LIG3: variants seen among roughly 807,000 people sequenced by gnomAD.
LIG3 encodes the protein DNA ligase 3, also known as ligase II, DNA, ATP-dependent.
A neutral mutation model predicts 110.9 loss-of-function variants in LIG3; 58 were observed. The observed-to-expected ratio is 0.52, with a 90% CI of 0.42 to 0.65. The LOEUF (loss-of-function observed/expected upper bound fraction) is 0.65. LIG3 is among the 30% of genes least tolerant of loss of function. The pLI is 0.00. For missense variants in LIG3, 1,094 were observed against 1,273.8 expected (o/e 0.86, Z 2.15); for synonymous variants, 422 against 472.8 (o/e 0.89, Z 1.39).
Position 34,984,400 on chromosome 17 carries a change from C to T in LIG3, c.547+848C>T, listed in dbSNP as rs530521981. Reference sequence around the variant, plus strand: ...TTAACTAATTTGATACTTAATTGTCCCATATTTGGCCAATTAGGAACCCCT... The same window carrying T: ...TTAACTAATTTGATACTTAATTGTCTCATATTTGGCCAATTAGGAACCCCT... On this transcript the variant is annotated intron_variant, in intron 2 of 19. Transcript: ENST00000378526. 1.1e-3 allele frequency among the ~76,000 whole-genome samples: 169 copies of T among 152,018 alleles called. 1 individual carries two copies. Among genetic ancestry groups the T allele is most frequent in the Non-Finnish European group, 2.1e-3 (142 of 68,000 alleles).
Position 35,002,697 on chromosome 17 carries a change from A to G in LIG3, c.2704A>G (p.Met902Val), listed in dbSNP as rs777951893. Residue 902 changes from methionine (M) to valine (V), a missense_variant, in exon 19 of 20, where the codon ATG (methionine) becomes GTG (valine). Transcript: ENST00000378526. The part of the protein sequence containing the change: ...GNMQTAKPSA[M>V]KVGEKLATKS... The stretch of plus-strand genomic sequence containing the variant: ...CATGCAGACTGCAAAGCCTTCCGCT[A>G]TGAAGGTGGGGGAGAAGCTGGCCAC... The G allele has an allele frequency of 3.7e-6, 6 of 1,613,630 alleles. No individual in the cohort carries two copies. The highest frequency in any genetic ancestry group is 5.1e-6 in the Non-Finnish European group (6 of 1,179,894).
rs1567692722 is a variant in LIG3, at chr17:34,998,616, C to G, written c.2002C>G (p.Pro668Ala). Residue 668 changes from proline to alanine, a missense_variant, in exon 14 of 20, where the codon CCT becomes GCT. Pro to Ala is a conservative substitution (Grantham distance 27). Transcript: ENST00000378526. Reference protein sequence around the residue: ...VLKDVKGTYEPGKRHWLKVKK... With the variant: ...VLKDVKGTYEAGKRHWLKVKK... ...TGCTTCCCTTCAGGGTACATATGAG[C>G]CTGGGAAGCGGCACTGGCTGAAAGT... 1 of 1,614,084 alleles carries G rather than the reference C, an allele frequency of 6.2e-7. No individual in the cohort carries two copies. The highest frequency in any genetic ancestry group is 8.5e-7 in the Non-Finnish European group (1 of 1,179,972).
Position 34,990,946 on chromosome 17 carries a change from G to A in LIG3, c.890-17G>A. 6.2e-7 allele frequency: 1 copy of A among 1,612,048 alleles called. No homozygotes were observed. Among genetic ancestry groups the A allele is most frequent in the Non-Finnish European group, 8.5e-7 (1 of 1,178,658 alleles). On this transcript the variant is annotated splice_polypyrimidine_tract_variant and intron_variant, in intron 4 of 19. Transcript: ENST00000378526. ...GTTTAAGCTCTATTTCTCAAGAAGG[G>A]TTCCTTCTGTCTCCAGATGGTTTCC... is the stretch of plus-strand genomic sequence containing the variant.
rs1480089002 is a variant in LIG3, at chr17:35,008,363, A to T, written c.*3857A>T. 1.3e-5 allele frequency: 2 copies of T among 152,188 alleles called. No individual in the cohort carries two copies. Among genetic ancestry groups the T allele is most frequent in the Non-Finnish European group, 2.9e-5 (2 of 68,040 alleles). The allele number at this position is 152,188 out of a possible 1,614,324, so 9.4% of individuals were successfully genotyped here. A position where few individuals can be genotyped will look rare whatever the true frequency, so the allele number is the denominator to read the frequency against. On this transcript the variant is annotated 3_prime_UTR_variant, in exon 20 of 20. Coordinates refer to ENST00000378526, the MANE Select transcript of LIG3 (RefSeq NM_013975.4). ...AACACTGAGCATCTTGACCAAGGTC[A>T]CTTGGCCCAACCACAGGCTAATCCC...
In LIG3 at chr17:35,007,695, GC is replaced by G. The variant is rs1404000812; in HGVS notation, c.*3191del. The G allele has an allele frequency of 1.3e-5, 2 of 151,916 alleles. No homozygotes were observed. Among genetic ancestry groups the G allele is most frequent in the Non-Finnish European group, 2.9e-5 (2 of 68,026 alleles). 9.4% of individuals were successfully genotyped at this position (151,916 alleles called of 1,614,324 possible). A position where few individuals can be genotyped will look rare whatever the true frequency, so the allele number is the denominator to read the frequency against. On this transcript the variant is annotated 3_prime_UTR_variant, in exon 20 of 20. Coordinates refer to ENST00000378526, the MANE Select transcript of LIG3 (RefSeq NM_013975.4). ...CGCCTGGTCAGGGAGGTTTGTACAAGCCTGCGCACACACAGCAGTCTGTCAC... is the reference window on the plus strand; with the variant it reads ...CGCCTGGTCAGGGAGGTTTGTACAAGCTGCGCACACACAGCAGTCTGTCAC...
In LIG3 at chr17:35,006,317, A is replaced by G. The variant is rs139711760; in HGVS notation, c.*1811A>G. The stretch of plus-strand genomic sequence containing the variant: ...GAAGTTCTTATTTTAATTCAACTTC[A>G]AATGGTCACATGTCACTAGTGACTA... On this transcript the variant is annotated 3_prime_UTR_variant, in exon 20 of 20. Coordinates refer to ENST00000378526, the MANE Select transcript of LIG3 (RefSeq NM_013975.4). 6.4e-6 allele frequency: 1 copy of G among 155,470 alleles called. No individual in the cohort carries two copies. Among genetic ancestry groups the G allele is most frequent in the East Asian group, 1.9e-4 (1 of 5,276 alleles). 9.6% of individuals were successfully genotyped at this position (155,470 alleles called of 1,614,324 possible).
rs759850085 is a variant in LIG3 at position 34,996,670 on chromosome 17, C to T, written c.1823+17C>T. 24 of 1,600,478 alleles carry T rather than the reference C, an allele frequency of 1.5e-5. 1 individual carries two copies. Among genetic ancestry groups the T allele is most frequent in the Non-Finnish European group, 2.1e-5 (24 of 1,168,000 alleles). On this transcript the variant is annotated intron_variant, in intron 11 of 19. Transcript: ENST00000378526. Reference sequence around the variant, plus strand: ...GATGGACAGGTGAGTTGGCTAGCATCTTTAAACCCAGAAACTGCCAGGAAT... The same window carrying T: ...GATGGACAGGTGAGTTGGCTAGCATTTTTAAACCCAGAAACTGCCAGGAAT...
chr17:35,002,403 C>A (rs539472224), intron 18 of LIG3, among the ~76,000 whole-genome samples: 4 of 152,352 alleles, frequency 2.6e-5, no homozygotes, highest in Admixed American at 2.6e-4. Context: ...ACTCCCCTCT[C>A]ACCTATGCTC....
At chr17:34,995,670 G>C (rs944846900) in intron 9 of LIG3, among the ~76,000 whole-genome samples, 3 of 152,162 alleles carry the variant, frequency 2.0e-5, no homozygotes, top group Admixed American at 6.5e-5. Flanking sequence ...CTGGTTTCAA[G>C]TAGTCTGTTC....
chr17:35,001,215 ATCT>A (rs1373597153), intron 16 of LIG3, 39 bp from the exon 17 acceptor site: 1 of 1,598,476 alleles, frequency 6.3e-7, no homozygotes, highest in East Asian at 2.3e-5. Context: ...CACTGATACT[ATCT>A]TCTTAACCAG....
rs2090923012 is a variant in LIG3 at position 35,009,626 on chromosome 17, C to G, written c.*5120C>G. The G allele has an allele frequency of 6.7e-6, 1 of 149,932 alleles. No homozygotes were observed. The highest frequency in any genetic ancestry group is 1.5e-5 in the Non-Finnish European group (1 of 67,664). 9.3% of individuals were successfully genotyped at this position (149,932 alleles called of 1,614,324 possible). On this transcript the variant is annotated 3_prime_UTR_variant, in exon 20 of 20. Coordinates refer to ENST00000378526, the MANE Select transcript of LIG3 (RefSeq NM_013975.4). ...TCAGGGTTGTTTGACACCTTTTTTC[C>G]TAAAGGGAAACCTTCACCAAAAGGG...
rs1163590011 is a variant in LIG3, at chr17:35,004,867, G to A, written c.*361G>A. On this transcript the variant is annotated 3_prime_UTR_variant, in exon 20 of 20. Transcript: ENST00000378526. ...CCCTAGAGATTAAGGAGTAAAGGCT[G>A]GGCTATGGCAGCTCTGTCCACAAAG... 3.8e-6 allele frequency: 1 copy of A among 265,928 alleles called. No individual in the cohort carries two copies. Among genetic ancestry groups the A allele is most frequent in the Admixed American group, 5.0e-5 (1 of 19,834 alleles). 16.5% of individuals were successfully genotyped at this position (265,928 alleles called of 1,614,324 possible). A position where few individuals can be genotyped will look rare whatever the true frequency, so the allele number is the denominator to read the frequency against.
chr17:34,997,822 C>G lies in LIG3; in HGVS notation c.1908C>G (p.Val636=), dbSNP rs1378389502. 6.2e-7 allele frequency: 1 copy of G among 1,613,194 alleles called. No individual in the cohort carries two copies. The highest frequency in any genetic ancestry group is 1.7e-5 in the Admixed American group (1 of 60,028). The change falls in exon 12 of 20, where the codon GTC becomes GTG. Residue 636 remains valine, a synonymous_variant. Coordinates refer to ENST00000378526, the MANE Select transcript of LIG3 (RefSeq NM_013975.4). The part of the protein sequence containing the change: ...NRIMFSEMKR[V]TKALDLADMI... ...TCATGTTCTCAGAAATGAAGCGAGT[C>G]ACAGTAAGTGAAGACCCTATGCTAG...
chr17:34,995,381 C>A (rs898794637), intron 9 of LIG3, among the ~76,000 whole-genome samples: 2 of 152,164 alleles, frequency 1.3e-5, no homozygotes, highest in Non-Finnish European at 2.9e-5. Context: ...AAATAGACAC[C>A]ATCTGTGACC....
intron 2 of LIG3, 103 bp from the exon 3 acceptor site, chr17:34,985,885 G>T: frequency 8.1e-7 from 1 of 1,227,572 alleles, no homozygotes; most frequent in Non-Finnish European, 1.2e-6. Context: ...CTAGGGTAGT[G>T]ACTTAACAAG....
chr17:34,998,245 A>G lies in LIG3; in HGVS notation c.1938A>G (p.Ile646Met). 6.2e-7 allele frequency: 1 copy of G among 1,613,236 alleles called. No individual in the cohort carries two copies. Among genetic ancestry groups the G allele is most frequent in the East Asian group, 2.2e-5 (1 of 44,870 alleles). Residue 646 changes from isoleucine (I) to methionine (M), a missense_variant, in exon 13 of 20, where the codon ATA becomes ATG. Physicochemically the swap from Ile to Met is conservative, Grantham distance 10. Coordinates refer to ENST00000378526, the MANE Select transcript of LIG3 (RefSeq NM_013975.4). ...VTKALDLADM[I>M]TRVIQEGLEG... The stretch of plus-strand genomic sequence containing the variant: ...AAGCTTTGGACTTGGCTGACATGAT[A>G]ACCCGGGTGATCCAGGAGGGATTGG...
At chr17:34,989,322 G>A (rs1015829320) in intron 3 of LIG3, 144 bp from the exon 4 acceptor site, 1 of 698,594 alleles carries the variant, frequency 1.4e-6, no homozygotes, top group Non-Finnish European at 2.4e-6. Flanking sequence ...TCTGTAAGAT[G>A]GATATAATGA....
intron 7 of LIG3, 103 bp downstream of exon 7, chr17:34,992,138 C>G (rs2142256974): frequency 1.1e-6 from 1 of 942,816 alleles, no homozygotes. Context: ...TTGAATCCCC[C>G]TTCCACCTTC....
chr17:34,991,822 A>G lies in LIG3; in HGVS notation c.1193A>G (p.Gln398Arg), dbSNP rs781367751. Residue 398 changes from glutamine to arginine, a missense_variant, in exon 6 of 20, where the codon CAG becomes CGG. Gln to Arg is a conservative substitution (Grantham distance 43). Coordinates refer to ENST00000378526, the MANE Select transcript of LIG3 (RefSeq NM_013975.4). ...TKEDEQQQALQDIASRCTAND... is the reference protein window; with the variant it reads ...TKEDEQQQALRDIASRCTAND... ...GAGGATGAGCAGCAACAGGCCCTACAGGACATTGCCTCCAGGTGGGGGAGC... is the reference window on the plus strand; with the variant it reads ...GAGGATGAGCAGCAACAGGCCCTACGGGACATTGCCTCCAGGTGGGGGAGC... 5 of 1,614,090 alleles carry G rather than the reference A, an allele frequency of 3.1e-6. No homozygotes were observed. The Admixed American group carries it at 6.7e-5, about 22-fold the overall frequency.
Sources: gnomAD v4.1 joint callset for allele counts (sites outside exome capture counted in the v4.1 genomes callset) on GRCh38, gnomAD v4.1.1 for gene constraint, MANE v1.5 for transcripts, NCBI Gene and HGNC (gene_info 2026-07-23, HGNC 2026-07-21) for gene names.